Variants in MCTP1 observed in about 807,000 individuals in gnomAD.
The protein encoded by MCTP1 is multiple C2 and transmembrane domain containing 1.
MCTP1 carries 69 observed loss-of-function variants against 120.6 expected under a neutral mutation model. That is an observed-to-expected ratio of 0.57 (90% CI 0.47 to 0.70). The LOEUF is 0.70. Among genes scored for constraint, MCTP1 ranks in the 30% least tolerant of loss-of-function variants. The pLI is 0.00. For missense variants in MCTP1, 1,203 were observed against 1,248.8 expected (o/e 0.96, Z 0.55); for synonymous variants, 529 against 493.1 (o/e 1.07, Z -0.96).
chr5:94,737,229 A>AG (rs1764483018), intron 19 of MCTP1, among the ~76,000 whole-genome samples: 2 of 141,500 alleles, frequency 1.4e-5, no homozygotes, highest in East Asian at 2.5e-4. Flanking sequence ...ATCTCAGAGG[A>AG]GGAGGGAGGG....
At chr5:95,277,879 G>T (rs1192796228) in intron 1 of MCTP1, among the ~76,000 whole-genome samples, 2 of 152,090 alleles carry the variant, frequency 1.3e-5, no homozygotes, top group Non-Finnish European at 2.9e-5. Flanking sequence ...GAAGAAAATT[G>T]TTCTCTCAAG....
intron 12 of MCTP1, among the ~76,000 whole-genome samples, chr5:94,888,017 G>A (rs547354175): frequency 9.9e-5 from 15 of 152,170 alleles, no homozygotes; most frequent in African/African-American, 2.6e-4. Flanking sequence ...AAAATGGTAA[G>A]CATATTTCCA....
chr5:94,884,048 T>A (rs1485289035), intron 12 of MCTP1, among the ~76,000 whole-genome samples: 1 of 152,088 alleles, frequency 6.6e-6, no homozygotes, highest in East Asian at 1.9e-4. Context: ...GAATAATAAA[T>A]CCAAATCTTT....
intron 1 of MCTP1, among the ~76,000 whole-genome samples, chr5:95,074,500 C>T (rs1411577089): frequency 6.6e-6 from 1 of 152,136 alleles, no homozygotes; most frequent in Non-Finnish European, 1.5e-5. Context: ...TAGGTGTATA[C>T]ATTTTTGCTA....
chr5:95,103,950 T>C (rs1163915367), intron 1 of MCTP1, among the ~76,000 whole-genome samples: 1 of 152,178 alleles, frequency 6.6e-6, no homozygotes, highest in Non-Finnish European at 1.5e-5. Context: ...AACAAAATTA[T>C]GACCCCAGTG....
intron 1 of MCTP1, among the ~76,000 whole-genome samples, chr5:95,215,504 C>A (rs907534256): frequency 1.3e-5 from 2 of 152,094 alleles, no homozygotes; most frequent in African/African-American, 2.4e-5. Flanking sequence ...ACAATTCTGG[C>A]CAATGACATT....
chr5:95,238,760 C>T lies in MCTP1; in HGVS notation c.720+45096G>A, dbSNP rs189596635. ...ATTATTCTCATTCTCATACCAACTA[C>T]ATTAATCATACAATTCCTGGATGAC... is the stretch of plus-strand genomic sequence containing the variant. On this transcript the variant is annotated intron_variant, in intron 1 of 22. Transcript: ENST00000515393. Among the ~76,000 whole-genome samples the T allele has an allele frequency of 5.3e-5, 8 of 152,238 alleles. No individual in the cohort carries two copies. The East Asian group carries it at 1.3e-3, about 26-fold the overall frequency.
At chr5:94,994,257 T>C (rs950290587) in intron 2 of MCTP1, among the ~76,000 whole-genome samples, 8 of 152,174 alleles carry the variant, frequency 5.3e-5, no homozygotes, top group African/African-American at 1.7e-4. Context: ...CAATTTAGTA[T>C]ACAAAGGACA....
intron 1 of MCTP1, among the ~76,000 whole-genome samples, chr5:95,094,861 A>G (rs373508364): frequency 1.7e-4 from 26 of 151,962 alleles, no homozygotes; most frequent in African/African-American, 6.3e-4. Flanking sequence ...TTTTTTCTGA[A>G]TATTCCTTTA....
intron 17 of MCTP1, chr5:94,867,526 C>A: frequency 3.7e-6 from 2 of 546,940 alleles, no homozygotes; most frequent in South Asian, 2.7e-5. Flanking sequence ...AAACTGGCAA[C>A]TATAAGGAAG....
intron 19 of MCTP1, among the ~76,000 whole-genome samples, chr5:94,773,246 A>G (rs146495899): frequency 6.6e-6 from 1 of 152,340 alleles, no homozygotes; most frequent in Admixed American, 6.5e-5. Flanking sequence ...GACATATTAT[A>G]CTGTGACTGT....
intron 19 of MCTP1, among the ~76,000 whole-genome samples, chr5:94,739,793 G>A (rs764258581): frequency 1.3e-5 from 2 of 152,102 alleles, no homozygotes; most frequent in Admixed American, 6.5e-5. Flanking sequence ...CCACTCTCCC[G>A]AGTAGCTGGG....
chr5:94,761,141 A>C (rs1771240975), intron 19 of MCTP1, among the ~76,000 whole-genome samples: 1 of 152,186 alleles, frequency 6.6e-6, no homozygotes, highest in African/African-American at 2.4e-5. Flanking sequence ...ATGTTCTGCA[A>C]CCTCCTTTTA....
At chr5:94,782,877 G>A (rs565965999) in intron 18 of MCTP1, among the ~76,000 whole-genome samples, 97 of 152,232 alleles carry the variant, frequency 6.4e-4, no homozygotes, top group African/African-American at 2.3e-3. Context: ...ATACATTTAC[G>A]AAGTTCGGTT....
At chr5:94,812,517 T>C (rs1036251418) in intron 17 of MCTP1, among the ~76,000 whole-genome samples, 1 of 147,752 alleles carries the variant, frequency 6.8e-6, no homozygotes, top group African/African-American at 2.5e-5. Context: ...CCCTTCTACA[T>C]GTCTTCTGAA....
chr5:95,106,519 T>C (rs762327824), intron 1 of MCTP1, among the ~76,000 whole-genome samples: 2 of 152,210 alleles, frequency 1.3e-5, no homozygotes, highest in African/African-American at 2.4e-5. Context: ...ATATCTCAGA[T>C]ACTTGAGTCA....
At chr5:94,739,135 A>G (rs1322536741) in intron 19 of MCTP1, 2 of 152,220 alleles carry the variant, frequency 1.3e-5, no homozygotes, top group Non-Finnish European at 2.9e-5. Flanking sequence ...GGATTTGTCT[A>G]ATTTATTCAT....
At chr5:94,935,873 T>C (rs1197077634) in intron 5 of MCTP1, among the ~76,000 whole-genome samples, 2 of 152,104 alleles carry the variant, frequency 1.3e-5, no homozygotes, top group African/African-American at 4.8e-5. Context: ...AAAATTTGTT[T>C]CTGAATAATT....
chr5:95,105,716 A>G (rs190660691), intron 1 of MCTP1, among the ~76,000 whole-genome samples: 1 of 152,274 alleles, frequency 6.6e-6, no homozygotes. Context: ...GAGCTTCATT[A>G]GGAGTAGCAG....
Sources: gnomAD v4.1 joint callset for allele counts (sites outside exome capture counted in the v4.1 genomes callset) on GRCh38, gnomAD v4.1.1 for gene constraint, MANE v1.5 for transcripts, NCBI Gene and HGNC (gene_info 2026-07-23, HGNC 2026-07-21) for gene names.